Variants in GANC observed in about 807,000 individuals in gnomAD.
GANC encodes the protein glucosidase alpha, neutral C, also known as neutral alpha-glucosidase C.
Under a neutral mutation model 124.2 loss-of-function variants are expected in GANC, and 117 were observed. The ratio of observed to expected loss-of-function variants is 0.94; its 90% CI spans 0.81 to 1.10. The LOEUF is 1.10. Ranked by LOEUF, GANC falls within the 50% of genes least tolerant of loss-of-function variation. The pLI is 0.00. For synonymous variants in GANC, 377 were observed against 376.8 expected (o/e 1.00, Z -0.01); for missense variants, 1,140 against 1,095.0 (o/e 1.04, Z -0.58).
intron 14 of GANC, among the ~76,000 whole-genome samples, chr15:42,329,677 A>T (rs1297919281): frequency 2.0e-5 from 3 of 152,138 alleles, no homozygotes; most frequent in Non-Finnish European, 2.9e-5. Context: ...AATATTATGA[A>T]ATTAATTATA....
Position 42,352,989 on chromosome 15 carries a change from C to A in GANC, c.*850C>A. 1.5e-6 allele frequency: 1 copy of A among 662,766 alleles called. No individual in the cohort carries two copies. The highest frequency in any genetic ancestry group is 1.9e-6 in the Non-Finnish European group (1 of 535,260). 41.1% of individuals were successfully genotyped at this position (662,766 alleles called of 1,614,324 possible). A position where few individuals can be genotyped will look rare whatever the true frequency, so the allele number is the denominator to read the frequency against. ...ACAGTAATCAAAGTAAGTAATATTT[C>A]AATCCAATATTTTTAAAAATCAGAA... On this transcript the variant is annotated 3_prime_UTR_variant, in exon 24 of 24. Coordinates refer to ENST00000318010, the MANE Select transcript of GANC (RefSeq NM_198141.3).
In GANC at chr15:42,352,123, A is replaced by C; in HGVS notation, c.2729A>C (p.Glu910Ala). 1.2e-6 allele frequency: 2 copies of C among 1,614,148 alleles called. No individual in the cohort carries two copies. Among genetic ancestry groups the C allele is most frequent in the Non-Finnish European group, 1.7e-6 (2 of 1,180,008 alleles). ...TCACTCAACATTGCCACTGACTGGG[A>C]GGTCCGCATCATATGACAAAGAACT... is the stretch of plus-strand genomic sequence containing the variant. ...KLSLNIATDW[E>A]VRII The change falls in exon 24 of 24, where the codon GAG becomes GCG. Residue 910 changes from glutamate to alanine, a missense_variant. Coordinates refer to ENST00000318010, the MANE Select transcript of GANC (RefSeq NM_198141.3).
In GANC at chr15:42,353,518, C is replaced by T. The variant is rs1037344244; in HGVS notation, c.*1379C>T. The T allele has an allele frequency of 2.1e-6, 2 of 958,016 alleles. No individual in the cohort carries two copies. Among genetic ancestry groups the T allele is most frequent in the Non-Finnish European group, 2.5e-6 (2 of 805,374 alleles). 59.3% of individuals were successfully genotyped at this position (958,016 alleles called of 1,614,324 possible). A position where few individuals can be genotyped will look rare whatever the true frequency, so the allele number is the denominator to read the frequency against. ...TACCTTAATGTTTTCAGTATGTCTG[C>T]GTTCTCCTACTAGATTGTATGTCCC... On this transcript the variant is annotated 3_prime_UTR_variant, in exon 24 of 24. Transcript: ENST00000318010.
intron 1 of GANC, among the ~76,000 whole-genome samples, chr15:42,276,110 CT>C (rs2051668289): frequency 6.6e-6 from 1 of 152,178 alleles, no homozygotes; most frequent in South Asian, 2.1e-4. Context: ...TTTCCCATTA[CT>C]TTTGGAGTAA....
intron 4 of GANC, among the ~76,000 whole-genome samples, chr15:42,289,798 C>T (rs1389453550): frequency 6.6e-6 from 1 of 152,116 alleles, no homozygotes; most frequent in East Asian, 1.9e-4. Flanking sequence ...CAGAATGTGA[C>T]TATATTTTGA....
chr15:42,301,520 G>C (rs2051946162), intron 6 of GANC, among the ~76,000 whole-genome samples: 1 of 151,958 alleles, frequency 6.6e-6, no homozygotes, highest in South Asian at 2.1e-4. Flanking sequence ...CACTCCCCTG[G>C]AAAGGGGGCT....
At chr15:42,306,508 T>A in intron 6 of GANC, 38 bp from the exon 7 acceptor site, 8 of 1,529,364 alleles carry the variant, frequency 5.2e-6, no homozygotes, top group Non-Finnish European at 6.3e-6. Context: ...TTTGTTGCAA[T>A]TTGTAAACTC....
intron 10 of GANC, chr15:42,314,311 TG>T (rs2052084037): frequency 1.7e-6 from 1 of 597,304 alleles, no homozygotes; most frequent in Non-Finnish European, 3.0e-6. Context: ...CAAAGGGTTT[TG>T]CTGCTGTCTC....
chr15:42,275,595 T>G (rs781687650), intron 1 of GANC, among the ~76,000 whole-genome samples: 27 of 151,838 alleles, frequency 1.8e-4, no homozygotes, highest in Middle Eastern at 3.4e-3. Flanking sequence ...TTTTTTCTCC[T>G]TATAATCTGT....
chr15:42,346,698 A>G (rs7182797), intron 20 of GANC, among the ~76,000 whole-genome samples: 14,754 of 152,260 alleles, frequency 0.097, 840 homozygotes, highest in South Asian at 0.18. Flanking sequence ...CATCTGGAAT[A>G]TCATTCTACA....
At chr15:42,332,308 A>G (rs1288617010) in intron 15 of GANC, among the ~76,000 whole-genome samples, 3 of 152,220 alleles carry the variant, frequency 2.0e-5, no homozygotes, top group Admixed American at 2.0e-4. Context: ...CAAATTGTCT[A>G]CAAGTATCAT....
intron 3 of GANC, among the ~76,000 whole-genome samples, chr15:42,280,486 C>T (rs1286389118): frequency 6.6e-6 from 1 of 152,206 alleles, no homozygotes; most frequent in East Asian, 1.9e-4. Flanking sequence ...CCCGGCCAGA[C>T]CCTTCTATTC....
At chr15:42,287,247 C>A (rs1185400761) in intron 3 of GANC, among the ~76,000 whole-genome samples, 1 of 152,214 alleles carries the variant, frequency 6.6e-6, no homozygotes, top group East Asian at 1.9e-4. Flanking sequence ...GTTTTCTCTT[C>A]TGTAGCCTGC....
At chr15:42,284,209 T>C in intron 3 of GANC, 1 of 593,476 alleles carries the variant, frequency 1.7e-6, no homozygotes, top group Non-Finnish European at 3.0e-6. Flanking sequence ...AATTTAAATA[T>C]GTGTTCTAGG....
In GANC at chr15:42,273,550, C is replaced by CGACTGTCTGAG; in HGVS notation, c.-932_-931insGACTGTCTGAG. ...GCGGCGTAGCGGCCCCTCTCTCAGA[C>CGACTGTCTGAG]AGTCGTCTGTGCGCCGTGAGACTTT... On this transcript the variant is annotated 5_prime_UTR_variant, in exon 1 of 24. Transcript: ENST00000318010. The CGACTGTCTGAG allele has an allele frequency of 7.4e-7, 1 of 1,350,336 alleles. No individual in the cohort carries two copies. Among genetic ancestry groups the CGACTGTCTGAG allele is most frequent in the Non-Finnish European group, 9.9e-7 (1 of 1,008,798 alleles). 83.6% of individuals were successfully genotyped at this position (1,350,336 alleles called of 1,614,324 possible). A position where few individuals can be genotyped will look rare whatever the true frequency, so the allele number is the denominator to read the frequency against.
chr15:42,308,927 A>T (rs1034419986), intron 8 of GANC, among the ~76,000 whole-genome samples: 1 of 152,172 alleles, frequency 6.6e-6, no homozygotes. Context: ...CTCGGGTTTC[A>T]CTTTTACCTC....
chr15:42,343,647 A>G (rs868034015), intron 19 of GANC, among the ~76,000 whole-genome samples: 1 of 152,158 alleles, frequency 6.6e-6, no homozygotes, highest in Non-Finnish European at 1.5e-5. Flanking sequence ...AGTTATTGTC[A>G]CTAATTACTG....
Position 42,351,417 on chromosome 15 carries a change from A to C in GANC, c.2620A>C (p.Thr874Pro). 6.2e-7 allele frequency: 1 copy of C among 1,612,436 alleles called. No individual in the cohort carries two copies. The highest frequency in any genetic ancestry group is 8.5e-7 in the Non-Finnish European group (1 of 1,178,484). Reference protein sequence around the residue: ...LGFRKEPSSVTTHSSDGKDQP... With the variant: ...LGFRKEPSSVPTHSSDGKDQP... ...CTTCAGGAAGGAGCCATCTTCTGTG[A>C]CTACCCACTCATCTGGTGAGAAAGC... The change falls in exon 23 of 24, where the codon ACT becomes CCT. Residue 874 changes from threonine (T) to proline (P), a missense_variant. Physicochemically the swap from Thr to Pro is conservative, Grantham distance 38. Coordinates refer to ENST00000318010, the MANE Select transcript of GANC (RefSeq NM_198141.3).
At chr15:42,304,336 C>G (rs903493215) in intron 6 of GANC, among the ~76,000 whole-genome samples, 1 of 152,170 alleles carries the variant, frequency 6.6e-6, no homozygotes, top group African/African-American at 2.4e-5. Context: ...GTACCAGAAT[C>G]TCTGGGACAC....
Sources: allele counts gnomAD v4.1 joint callset (sites outside exome capture counted in the v4.1 genomes callset), GRCh38; gene constraint gnomAD v4.1.1; transcripts MANE v1.5; gene names NCBI Gene and HGNC (gene_info 2026-07-23, HGNC 2026-07-21).